The following EPB41L4B variants were observed in gnomAD, a reference collection of about 807,000 sequenced individuals.
EPB41L4B encodes band 4.1-like protein 4B.
A neutral mutation model predicts 112.5 loss-of-function variants in EPB41L4B; 30 were observed. That is an observed-to-expected ratio of 0.27 (90% CI 0.20 to 0.36). The LOEUF is 0.36. EPB41L4B is among the 10% of genes least tolerant of loss of function. The pLI, the probability that EPB41L4B is intolerant of heterozygous loss-of-function variation, is 1.00. For missense variants in EPB41L4B, 1,024 were observed against 1,133.3 expected (o/e 0.90, Z 1.38); for synonymous variants, 408 against 439.7 (o/e 0.93, Z 0.90).
intron 17 of EPB41L4B, among the ~76,000 whole-genome samples, chr9:109,212,485 G>A (rs569322177): frequency 6.6e-6 from 1 of 152,256 alleles, no homozygotes; most frequent in African/African-American, 2.4e-5. Flanking sequence ...AAAAGTGAAT[G>A]AGCAGGGCTT....
chr9:109,189,682 G>A (rs1832393043), intron 22 of EPB41L4B, among the ~76,000 whole-genome samples: 1 of 152,144 alleles, frequency 6.6e-6, no homozygotes, highest in African/African-American at 2.4e-5. Context: ...AGGCTGGAAT[G>A]CAATGGCGCG....
intron 15 of EPB41L4B, among the ~76,000 whole-genome samples, chr9:109,235,389 A>ATTT (rs1834102726): frequency 9.9e-6 from 1 of 100,708 alleles, no homozygotes; most frequent in Non-Finnish European, 2.1e-5. Flanking sequence ...CTTCAGCTAG[A>ATTT]CTTTTTTTTT....
intron 11 of EPB41L4B, among the ~76,000 whole-genome samples, chr9:109,254,016 A>C (rs1263439797): frequency 6.6e-6 from 1 of 152,188 alleles, no homozygotes; most frequent in Non-Finnish European, 1.5e-5. Flanking sequence ...CCAACGTGAC[A>C]CCCGGCTGCA....
At chr9:109,297,648 C>T (rs145122528) in intron 1 of EPB41L4B, among the ~76,000 whole-genome samples, 10 of 152,352 alleles carry the variant, frequency 6.6e-5, no homozygotes, top group South Asian at 2.1e-4. Context: ...AGCATCCCTG[C>T]GGCAATCAGA....
chr9:109,301,434 G>A (rs183538148), intron 1 of EPB41L4B, among the ~76,000 whole-genome samples: 11 of 152,174 alleles, frequency 7.2e-5, no homozygotes, highest in African/African-American at 2.7e-4. Flanking sequence ...CAAATGGACT[G>A]GTGTACCCCA....
intron 19 of EPB41L4B, among the ~76,000 whole-genome samples, chr9:109,200,771 A>AT (rs77573752): frequency 6.6e-4 from 100 of 150,810 alleles, no homozygotes; most frequent in South Asian, 1.9e-3. Flanking sequence ...CACAGACTAT[A>AT]TTTTTTTTTT....
intron 1 of EPB41L4B, among the ~76,000 whole-genome samples, chr9:109,303,081 TAA>T (rs541291343): frequency 2.4e-4 from 21 of 88,628 alleles, no homozygotes; most frequent in Non-Finnish European, 3.2e-4. Flanking sequence ...ACCCCATCTC[TAA>T]AAAAAAAAAA....
intron 15 of EPB41L4B, among the ~76,000 whole-genome samples, chr9:109,219,072 G>A (rs918785952): frequency 8.5e-5 from 13 of 152,176 alleles, no homozygotes; most frequent in Non-Finnish European, 4.4e-5. Flanking sequence ...AGGTTTTGCT[G>A]GACAGTTCTT....
At chr9:109,189,210 A>G (rs771795465) in intron 22 of EPB41L4B, among the ~76,000 whole-genome samples, 2 of 152,210 alleles carry the variant, frequency 1.3e-5, no homozygotes, top group Admixed American at 6.5e-5. Flanking sequence ...CAGAATCGGA[A>G]ATGGAAAGAC....
chr9:109,269,385 A>C (rs1016248804), intron 2 of EPB41L4B, among the ~76,000 whole-genome samples: 5 of 152,190 alleles, frequency 3.3e-5, no homozygotes, highest in African/African-American at 7.2e-5. Flanking sequence ...GCCTCACACA[A>C]AAGTTTCTCT....
intron 22 of EPB41L4B, among the ~76,000 whole-genome samples, chr9:109,190,697 T>C (rs1340690989): frequency 6.6e-6 from 1 of 152,048 alleles, no homozygotes; most frequent in Non-Finnish European, 1.5e-5. Context: ...CAGCCCAGAG[T>C]CTAGGTTCTA....
intron 21 of EPB41L4B, among the ~76,000 whole-genome samples, chr9:109,193,458 C>T (rs1485330841): frequency 1.3e-5 from 2 of 152,214 alleles, no homozygotes; most frequent in Non-Finnish European, 2.9e-5. Flanking sequence ...GAAATTGAGG[C>T]TCGAAGAAAT....
intron 13 of EPB41L4B, among the ~76,000 whole-genome samples, chr9:109,250,824 C>G (rs996628288): frequency 5.9e-5 from 9 of 152,184 alleles, no homozygotes; most frequent in Non-Finnish European, 8.8e-5. Context: ...CAAATCTGGT[C>G]CACTGATATT....
rs766660941 is a variant in EPB41L4B, at chr9:109,191,349, CTGTGTCT to C, written c.2301+922_2301+928del. Reference sequence around the variant, plus strand: ...GCAAACTTCAGCTGTGAAGTGGTGGCTGTGTCTCAGTGCAGTGCAAGGACCTCAGTTG... The same window carrying C: ...GCAAACTTCAGCTGTGAAGTGGTGGCCAGTGCAGTGCAAGGACCTCAGTTG... On this transcript the variant is annotated intron_variant, in intron 22 of 25. Coordinates refer to ENST00000374566, the MANE Select transcript of EPB41L4B (RefSeq NM_019114.5). 4.5e-3 allele frequency among the ~76,000 whole-genome samples: 678 copies of C among 152,312 alleles called. 4 individuals carry two copies. The highest frequency in any genetic ancestry group is 0.02 in the Middle Eastern group (6 of 294).
chr9:109,267,873 A>G lies in EPB41L4B; in HGVS notation c.455-322T>C, dbSNP rs115787525. 3.6e-3 allele frequency among the ~76,000 whole-genome samples: 544 copies of G among 152,376 alleles called. 6 individuals carry two copies. Among genetic ancestry groups the G allele is most frequent in the African/African-American group, 0.012 (519 of 41,588 alleles). On this transcript the variant is annotated intron_variant, in intron 3 of 25. Coordinates refer to ENST00000374566, the MANE Select transcript of EPB41L4B (RefSeq NM_019114.5). ...CTCCAAACTGACAGCTAGTTTTTAC[A>G]AAGTACAAAGGCTAAAGGAAAGTGA...
intron 10 of EPB41L4B, 26 bp from the exon 11 acceptor site, chr9:109,255,706 G>A (rs754028977): frequency 1.1e-5 from 17 of 1,610,336 alleles, no homozygotes; most frequent in Admixed American, 5.0e-5. Flanking sequence ...CAAGGGCCTC[G>A]AGTGGGCGTT....
At chr9:109,248,612 T>C (rs923793359) in intron 13 of EPB41L4B, among the ~76,000 whole-genome samples, 1 of 152,172 alleles carries the variant, frequency 6.6e-6, no homozygotes, top group Non-Finnish European at 1.5e-5. Flanking sequence ...TTCGATGGAA[T>C]CTTTTTGTTT....
chr9:109,222,507 T>C (rs1833615528), intron 15 of EPB41L4B, among the ~76,000 whole-genome samples: 1 of 152,192 alleles, frequency 6.6e-6, no homozygotes, highest in Non-Finnish European at 1.5e-5. Flanking sequence ...TCCCTCTTCA[T>C]AGAGACCTCA....
At chr9:109,193,228 G>T (rs1429523445) in intron 21 of EPB41L4B, among the ~76,000 whole-genome samples, 2 of 152,208 alleles carry the variant, frequency 1.3e-5, no homozygotes, top group Non-Finnish European at 2.9e-5. Context: ...ACTAAGCAGA[G>T]ATATTTCCAG....
Sources: gnomAD v4.1 joint callset for allele counts (sites outside exome capture counted in the v4.1 genomes callset) on GRCh38, gnomAD v4.1.1 for gene constraint, MANE v1.5 for transcripts, NCBI Gene and HGNC (gene_info 2026-07-23, HGNC 2026-07-21) for gene names.